ABCC2: variants seen among roughly 807,000 people sequenced by gnomAD.
ABCC2 encodes the protein ATP-binding cassette sub-family C member 2.
ABCC2 carries 157 observed loss-of-function variants against 173.4 expected under a neutral mutation model. That is an observed-to-expected ratio of 0.91 (90% confidence interval 0.80 to 1.03). ABCC2 has a LOEUF of 1.03. ABCC2 is among the 50% of genes least tolerant of loss of function. The pLI is 0.00. For missense variants in ABCC2, 1,822 were observed against 1,852.3 expected (o/e 0.98, Z 0.30); for synonymous variants, 657 against 693.5 (o/e 0.95, Z 0.83).
At chr10:99,796,491 G>A (rs954961304) in intron 6 of ABCC2, among the ~76,000 whole-genome samples, 3 of 151,702 alleles carry the variant, frequency 2.0e-5, no homozygotes, top group East Asian at 3.9e-4. Context: ...CGACAAGATC[G>A]CAACTCCGTC....
rs1191666160 is a variant in ABCC2 at position 99,807,375 on chromosome 10, A to G, written c.1531-9A>G. Reference sequence around the variant, plus strand: ...ATCATGTGAGCTGTATTTTTTTTCAACTTATTAGATCCTGAAATATTTTGC... The same window carrying G: ...ATCATGTGAGCTGTATTTTTTTTCAGCTTATTAGATCCTGAAATATTTTGC... On this transcript the variant is annotated splice_polypyrimidine_tract_variant and intron_variant, in intron 11 of 31. Coordinates refer to ENST00000647814, the MANE Select transcript of ABCC2 (RefSeq NM_000392.5). 5 of 1,613,906 alleles carry G rather than the reference A, an allele frequency of 3.1e-6. No individual in the cohort carries two copies. The African/African-American group carries it at 4.0e-5, about 13-fold the overall frequency.
rs2039091948 is a variant in ABCC2, at chr10:99,851,821, AT to A, written c.*192del. 3.7e-6 allele frequency: 2 copies of A among 536,390 alleles called. No individual in the cohort carries two copies. Among genetic ancestry groups the A allele is most frequent in the African/African-American group, 1.9e-5 (1 of 52,430 alleles). 33.2% of individuals were successfully genotyped at this position (536,390 alleles called of 1,614,324 possible). ...CACCAGGTACTTGAGAAACCCCTCG[AT>A]TGTCTACCTCGATCGTACTTCCTTG... On this transcript the variant is annotated 3_prime_UTR_variant, in exon 32 of 32. Coordinates refer to ENST00000647814, the MANE Select transcript of ABCC2 (RefSeq NM_000392.5).
At chr10:99,844,514 A>G in intron 28 of ABCC2, 49 bp downstream of exon 28, 2 of 1,604,958 alleles carry the variant, frequency 1.2e-6, no homozygotes, top group Non-Finnish European at 1.7e-6. Flanking sequence ...TGATCAAACA[A>G]CAATTGGACA....
intron 28 of ABCC2, among the ~76,000 whole-genome samples, 162 bp downstream of exon 28, chr10:99,844,627 G>A (rs1013239756): frequency 6.6e-6 from 1 of 152,210 alleles, no homozygotes; most frequent in Non-Finnish European, 1.5e-5. Context: ...AGTATCAGAG[G>A]GAAGGATAGC....
chr10:99,851,709 C>G lies in ABCC2; in HGVS notation c.*78C>G. The G allele has an allele frequency of 7.4e-7, 1 of 1,346,366 alleles. No homozygotes were observed. The highest frequency in any genetic ancestry group is 1.0e-6 in the Non-Finnish European group (1 of 977,640). The allele number at this position is 1,346,366 out of a possible 1,614,324, so 83.4% of individuals were successfully genotyped here. A position where few individuals can be genotyped will look rare whatever the true frequency, so the allele number is the denominator to read the frequency against. On this transcript the variant is annotated 3_prime_UTR_variant, in exon 32 of 32. Transcript: ENST00000647814. ...TTTATTTTTTATAAAATACAGAATA[C>G]ATACAAAAGTGTGTATAAAATGTAC...
In ABCC2 at chr10:99,800,405, AG is replaced by A. The variant is rs758934998; in HGVS notation, c.1052del (p.Ser351MetfsTer40). On this transcript the variant is annotated frameshift_variant, in exon 9 of 32. Coordinates refer to ENST00000647814, the MANE Select transcript of ABCC2 (RefSeq NM_000392.5). LOFTEE classifies it high-confidence loss of function. The part of the protein sequence containing the change: ...QLLKLLISFA[S>X]DRDTYLWIGY... ...TGGCAGATTGCTGATCTCCTTTGCA[AG>A]TGACCGTGACACATATTTGTGGATT... 1.9e-6 allele frequency: 3 copies of A among 1,614,064 alleles called. No individual in the cohort carries two copies. In the African/African-American group the frequency reaches 4.0e-5, roughly 22 times the overall value.
At position 99,806,372 on chromosome 10, in the gene ABCC2, A is replaced by G. The variant is rs992309754; in HGVS notation, c.1530+925A>G. ...CAGTGGTTTGTGATGCTGGCAGCACATTAGAATCACCTGAGAAATTTGAAG... is the reference window on the plus strand; with the variant it reads ...CAGTGGTTTGTGATGCTGGCAGCACGTTAGAATCACCTGAGAAATTTGAAG... On this transcript the variant is annotated intron_variant, in intron 11 of 31. Transcript: ENST00000647814. Among the ~76,000 whole-genome samples the G allele has an allele frequency of 5.9e-5, 9 of 152,270 alleles. No homozygotes were observed. The East Asian group carries it at 1.2e-3, about 20-fold the overall frequency.
chr10:99,784,069 G>A (rs2037664127), intron 1 of ABCC2, among the ~76,000 whole-genome samples: 1 of 142,854 alleles, frequency 7.0e-6, no homozygotes, highest in Non-Finnish European at 1.5e-5. Flanking sequence ...TTGCTGGTTG[G>A]AAGCCTTCTG....
At chr10:99,827,473 A>C (rs2133103473) in intron 19 of ABCC2, among the ~76,000 whole-genome samples, 1 of 152,234 alleles carries the variant, frequency 6.6e-6, no homozygotes, top group Non-Finnish European at 1.5e-5. Flanking sequence ...TTTTCATTAC[A>C]ATCTACTATA....
At chr10:99,789,589 C>T (rs1256182748) in intron 2 of ABCC2, among the ~76,000 whole-genome samples, 3 of 151,794 alleles carry the variant, frequency 2.0e-5, no homozygotes, top group African/African-American at 4.8e-5. Context: ...ATGGTTCACA[C>T]CTGTAATCCC....
At chr10:99,785,892 A>G (rs765084415) in intron 2 of ABCC2, among the ~76,000 whole-genome samples, 1 of 152,126 alleles carries the variant, frequency 6.6e-6, no homozygotes, top group East Asian at 1.9e-4. Context: ...CATACCTAAC[A>G]ATGACTCAGG....
intron 9 of ABCC2, 27 bp downstream of exon 9, chr10:99,800,590 A>AG (rs1210179564): frequency 6.2e-7 from 1 of 1,612,758 alleles, no homozygotes; most frequent in Admixed American, 1.7e-5. Context: ...AGGTATCACC[A>AG]AAGAAAATCC....
At chr10:99,843,519 C>T (rs1308011673) in intron 26 of ABCC2, among the ~76,000 whole-genome samples, 1 of 152,240 alleles carries the variant, frequency 6.6e-6, no homozygotes, top group Non-Finnish European at 1.5e-5. Context: ...TCCCACTCCA[C>T]CCATTGCCAG....
intron 16 of ABCC2, among the ~76,000 whole-genome samples, chr10:99,815,455 C>T (rs993601931): frequency 1.3e-5 from 2 of 152,076 alleles, no homozygotes; most frequent in African/African-American, 4.8e-5. Context: ...CTCAGTCTCC[C>T]AAAGTGCTGG....
rs529588584 is a variant in ABCC2 at position 99,792,324 on chromosome 10, C to G, written c.298C>G (p.Arg100Gly). Residue 100 changes from arginine (R) to glycine (G), a missense_variant, in exon 3 of 32, where the codon CGA (arginine) becomes GGA (glycine). By Grantham distance (125) the Arg-to-Gly change is moderately radical (BLOSUM62 -2). Transcript: ENST00000647814. ...DSGQATVPAV[R>G]YTNPSLYLGT... ...TGGACAAGCCACAGTCCCTGCTGTT[C>G]GATATACCAATCCAAGCCTCTACCT... The G allele has an allele frequency of 1.1e-5, 17 of 1,614,072 alleles. No homozygotes were observed. The East Asian group carries it at 3.8e-4, about 36-fold the overall frequency.
intron 20 of ABCC2, 116 bp downstream of exon 20, chr10:99,830,549 T>C (rs1026478259): frequency 6.4e-7 from 1 of 1,571,226 alleles, no homozygotes; most frequent in Non-Finnish European, 8.7e-7. Flanking sequence ...TCCAAGCTCT[T>C]CCTTTGTTTC....
chr10:99,817,368 A>G lies in ABCC2; in HGVS notation c.2155A>G (p.Ile719Val), dbSNP rs371103752. The change falls in exon 17 of 32, where the codon ATC becomes GTC. Residue 719 changes from isoleucine (I) to valine (V), a missense_variant. Coordinates refer to ENST00000647814, the MANE Select transcript of ABCC2 (RefSeq NM_000392.5). Reference sequence around the variant, plus strand: ...TCAGAATGGCACCATAAAGGACAACATCCTTTTTGGAACAGAGTTTAATGA... The same window carrying G: ...TCAGAATGGCACCATAAAGGACAACGTCCTTTTTGGAACAGAGTTTAATGA... ...WIQNGTIKDN[I>V]LFGTEFNEKR... The G allele has an allele frequency of 6.6e-5, 106 of 1,613,994 alleles. No individual in the cohort carries two copies. The highest frequency in any genetic ancestry group is 1.6e-4 in the Middle Eastern group (1 of 6,084).
chr10:99,830,998 T>A, intron 21 of ABCC2, 147 bp downstream of exon 21: 1 of 879,872 alleles, frequency 1.1e-6, no homozygotes, highest in Non-Finnish European at 1.8e-6. Context: ...ATTAACCTGT[T>A]AGCAGAGGCT....
At chr10:99,800,320 G>A (rs1412506056) in intron 8 of ABCC2, 66 bp from the exon 9 acceptor site, 7 of 1,538,450 alleles carry the variant, frequency 4.6e-6, no homozygotes, top group South Asian at 2.2e-5. Flanking sequence ...CTAGCTGGCT[G>A]TGCATGAGGA....
Sources: gnomAD v4.1 joint callset for allele counts (sites outside exome capture counted in the v4.1 genomes callset) on GRCh38, gnomAD v4.1.1 for gene constraint, MANE v1.5 for transcripts, NCBI Gene and HGNC (gene_info 2026-07-23, HGNC 2026-07-21) for gene names.